NPC1L1: variants seen among roughly 807,000 people sequenced by gnomAD.
The protein encoded by NPC1L1 is NPC1-like intracellular cholesterol transporter 1.
NPC1L1 carries 98 observed loss-of-function variants against 117.0 expected under a neutral mutation model. The ratio of observed to expected loss-of-function variants is 0.84; its 90% CI spans 0.71 to 0.99. NPC1L1 has a LOEUF of 0.99. Among genes scored for constraint, NPC1L1 ranks in the 50% least tolerant of loss-of-function variants. NPC1L1 has a pLI of 0.00. For missense variants in NPC1L1, 1,540 were observed against 1,710.0 expected (o/e 0.90, Z 1.75); for synonymous variants, 729 against 727.6 (o/e 1.00, Z -0.03).
Position 44,517,232 on chromosome 7 carries a change from G to A in NPC1L1, c.3262C>T (p.Pro1088Ser). The change falls in exon 15 of 19, where the codon CCG (proline) becomes TCG (serine). Residue 1088 changes from proline to serine, a missense_variant. Coordinates refer to ENST00000381160, the MANE Select transcript of NPC1L1 (RefSeq NM_001101648.2). ...ADLRKVPGTD[P>S]AFEVFPYTIT... Reference sequence around the variant, plus strand: ...GTGTAGGGGAAGACCTCAAAAGCCGGGTCTGTTCCAGGCACTTTCCGCAGG... The same window carrying A: ...GTGTAGGGGAAGACCTCAAAAGCCGAGTCTGTTCCAGGCACTTTCCGCAGG... The A allele has an allele frequency of 6.2e-7, 1 of 1,614,104 alleles. No homozygotes were observed. The highest frequency in any genetic ancestry group is 1.1e-5 in the South Asian group (1 of 91,070).
chr7:44,517,093 C>G, intron 15 of NPC1L1, 114 bp downstream of exon 15: 2 of 1,503,818 alleles, frequency 1.3e-6, no homozygotes, highest in South Asian at 2.3e-5. Flanking sequence ...CCAGAGCCTC[C>G]TGACCTAAAA....
chr7:44,521,590 C>A (rs1304542809), intron 12 of NPC1L1, 122 bp downstream of exon 12: 10 of 1,496,008 alleles, frequency 6.7e-6, no homozygotes, highest in Non-Finnish European at 9.3e-6. Context: ...GCACCCATGC[C>A]CCCGACAGAC....
Position 44,516,178 on chromosome 7 carries a change from TCCACAGACATGCCCA to T in NPC1L1, c.3524_3538del (p.Val1175_Val1179del). 1 of 1,608,644 alleles carries T rather than the reference TCCACAGACATGCCCA, an allele frequency of 6.2e-7. No individual in the cohort carries two copies. The highest frequency in any genetic ancestry group is 1.3e-5 in the African/African-American group (1 of 74,916). ...GGAGCGGGTAATGTGGGACACAAAC[TCCACAGACATGCCCA>T]CCGCCTATGGGCAGAGAGGGGGCAT... On this transcript the variant is annotated inframe_deletion, in exon 17 of 19. Transcript: ENST00000381160.
intron 14 of NPC1L1, among the ~76,000 whole-genome samples, chr7:44,519,294 G>A (rs2117027230): frequency 6.6e-6 from 1 of 152,302 alleles, no homozygotes; most frequent in Non-Finnish European, 1.5e-5. Flanking sequence ...GCACACACAA[G>A]AAGACAAAGG....
rs1801327790 is a variant in NPC1L1 at position 44,520,760 on chromosome 7, C to G, written c.3136+5G>C. ...GTCCTCCCCTCCAGGCAAGGCCATG[C>G]TTACCTAAAACCTGGCCATCTGAAG... On this transcript the variant is annotated splice_donor_5th_base_variant and intron_variant, in intron 14 of 18. Transcript: ENST00000381160. 6.2e-7 allele frequency: 1 copy of G among 1,613,554 alleles called. No homozygotes were observed. Among genetic ancestry groups the G allele is most frequent in the Non-Finnish European group, 8.5e-7 (1 of 1,179,608 alleles).
intron 10 of NPC1L1, among the ~76,000 whole-genome samples, chr7:44,531,198 T>C (rs1297934633): frequency 6.6e-6 from 1 of 152,164 alleles, no homozygotes; most frequent in Non-Finnish European, 1.5e-5. Flanking sequence ...GCCCGCACAC[T>C]TACTGGTCCA....
At chr7:44,520,858 A>G in intron 13 of NPC1L1, 38 bp from the exon 14 acceptor site, 2 of 1,613,740 alleles carry the variant, frequency 1.2e-6, no homozygotes, top group South Asian at 2.2e-5. Flanking sequence ...GCCAGGGACG[A>G]AGCTTCTTTC....
At position 44,540,297 on chromosome 7, in the gene NPC1L1, C is replaced by T. The variant is rs1318649824; in HGVS notation, c.100G>A (p.Ala34Thr). ...YTTIHQPGYC[A>T]FYDECGKNPE... ...TTCTTCCCACATTCGTCATAGAAGG[C>T]GCAGTAGCCAGGCTGGTGGATGGTT... Residue 34 changes from alanine to threonine, a missense_variant, in exon 2 of 19, where the codon GCC (alanine) becomes ACC (threonine). Coordinates refer to ENST00000381160, the MANE Select transcript of NPC1L1 (RefSeq NM_001101648.2). 11 of 1,613,778 alleles carry T rather than the reference C, an allele frequency of 6.8e-6. No homozygotes were observed. Among genetic ancestry groups the T allele is most frequent in the Non-Finnish European group, 9.3e-6 (11 of 1,180,014 alleles).
chr7:44,514,007 G>A (rs531355489), intron 18 of NPC1L1, among the ~76,000 whole-genome samples: 80 of 152,266 alleles, frequency 5.3e-4, no homozygotes, highest in African/African-American at 1.8e-3. Context: ...GTCCCCACAA[G>A]AGACATGGTT....
At position 44,522,184 on chromosome 7, in the gene NPC1L1, G is replaced by A. The variant is rs779490260; in HGVS notation, c.2696C>T (p.Pro899Leu). Residue 899 changes from proline (P) to leucine (L), a missense_variant, in exon 11 of 19, where the codon CCG (proline) becomes CTG (leucine). Coordinates refer to ENST00000381160, the MANE Select transcript of NPC1L1 (RefSeq NM_001101648.2). Reference sequence around the variant, plus strand: ...GCCCAAGGTGGTAACAAAGTACACCGGGGCCCCCACCTCGAAGTAGCGGTT... The same window carrying A: ...GCCCAAGGTGGTAACAAAGTACACCAGGGCCCCCACCTCGAAGTAGCGGTT... ...FLNRYFEVGAPVYFVTTLGYN... is the reference protein window; with the variant it reads ...FLNRYFEVGALVYFVTTLGYN... 13 of 1,613,768 alleles carry A rather than the reference G, an allele frequency of 8.1e-6. No homozygotes were observed. Among genetic ancestry groups the A allele is most frequent in the East Asian group, 6.7e-5 (3 of 44,876 alleles).
intron 15 of NPC1L1, 42 bp downstream of exon 15, chr7:44,517,165 C>G (rs1801215856): frequency 6.2e-7 from 1 of 1,613,644 alleles, no homozygotes; most frequent in Non-Finnish European, 8.5e-7. Flanking sequence ...TCTCCAGCAA[C>G]CATACCCCAC....
chr7:44,519,574 A>T (rs1012718506), intron 14 of NPC1L1, among the ~76,000 whole-genome samples: 6 of 152,098 alleles, frequency 3.9e-5, no homozygotes, highest in Non-Finnish European at 8.8e-5. Context: ...ACTATGAATT[A>T]TTTCAGTACA....
At chr7:44,535,296 G>A (rs549521304) in intron 5 of NPC1L1, among the ~76,000 whole-genome samples, 16 of 152,096 alleles carry the variant, frequency 1.1e-4, no homozygotes, top group Non-Finnish European at 1.9e-4. Flanking sequence ...CCCAGGAGGC[G>A]GAGGTTGCAG....
intron 14 of NPC1L1, among the ~76,000 whole-genome samples, chr7:44,518,007 T>C (rs1452507066): frequency 6.6e-6 from 1 of 151,332 alleles, no homozygotes; most frequent in African/African-American, 2.4e-5. Context: ...TCCCAGCTAC[T>C]TGGGGGGCTG....
chr7:44,515,191 C>A (rs530754157), intron 18 of NPC1L1, among the ~76,000 whole-genome samples: 8 of 151,428 alleles, frequency 5.3e-5, no homozygotes, highest in Non-Finnish European at 1.2e-4. Flanking sequence ...CCCATCTCTA[C>A]AAAAAATAAA....
In NPC1L1 at chr7:44,516,855, T is replaced by C. The variant is rs954118253; in HGVS notation, c.3367A>G (p.Thr1123Ala). ...AGCAGGAGGCAGGAGACAGCGAAGG[T>C]GGGCACAAGGCAGAGGCTGAGCATG... ...LFMLSLCLVP[T>A]FAVSCLLLGL... The change falls in exon 16 of 19, where the codon ACC becomes GCC. Residue 1123 changes from threonine to alanine, a missense_variant. This residue lies in a region of NPC1L1 where 742 missense variants were observed against 873.6 expected (regional missense o/e 0.85). Transcript: ENST00000381160. 5.0e-6 allele frequency: 8 copies of C among 1,614,000 alleles called. No homozygotes were observed. Among genetic ancestry groups the C allele is most frequent in the Non-Finnish European group, 6.8e-6 (8 of 1,179,996 alleles).
Position 44,534,323 on chromosome 7 carries a change from G to A in NPC1L1, c.2166+124C>T. ...TTCTACAGATATTGTAAACATGCGT[G>A]TCGATGAACAGAAAGAGTCTGCAGG... On this transcript the variant is annotated intron_variant, in intron 6 of 18. Transcript: ENST00000381160. The surrounding 1 kb of genome is among the most constrained non-coding windows in gnomAD (Gnocchi z 5.2). The A allele has an allele frequency of 2.2e-6, 2 of 901,676 alleles. No individual in the cohort carries two copies. The highest frequency in any genetic ancestry group is 2.4e-5 in the East Asian group (1 of 41,604). 55.9% of individuals were successfully genotyped at this position (901,676 alleles called of 1,614,324 possible).
Position 44,533,720 on chromosome 7 carries a change from AG to A in NPC1L1, c.2281+18del. On this transcript the variant is annotated intron_variant, in intron 7 of 18. Transcript: ENST00000381160. Reference sequence around the variant, plus strand: ...CCAGCAAGCCTAATGCCGAGTGGGGAGGTCTCACCCAGGCTCACCTAGGAAG... The same window carrying A: ...CCAGCAAGCCTAATGCCGAGTGGGGAGTCTCACCCAGGCTCACCTAGGAAG... 15 of 1,612,008 alleles carry A rather than the reference AG, an allele frequency of 9.3e-6. No homozygotes were observed. Among genetic ancestry groups the A allele is most frequent in the Non-Finnish European group, 1.2e-5 (14 of 1,178,270 alleles).
At chr7:44,525,253 C>T (rs980011232) in intron 10 of NPC1L1, among the ~76,000 whole-genome samples, 2 of 151,972 alleles carry the variant, frequency 1.3e-5, no homozygotes, top group African/African-American at 4.8e-5. Context: ...CCCACACCAA[C>T]GGATATTATA....
Sources: gnomAD v4.1 joint callset for allele counts (sites outside exome capture counted in the v4.1 genomes callset) on GRCh38, gnomAD v4.1.1 for gene constraint, gnomAD v4.1.1 regional missense constraint, Gnocchi (gnomAD v3.1) non-coding constraint, MANE v1.5 for transcripts, NCBI Gene and HGNC (gene_info 2026-07-23, HGNC 2026-07-21) for gene names.